ADARB2: variants seen among roughly 807,000 people sequenced by gnomAD.
ADARB2 encodes the protein adenosine deaminase RNA specific B2 (inactive).
Under a neutral mutation model 62.2 loss-of-function variants are expected in ADARB2, and 25 were observed. That is an observed-to-expected ratio of 0.40 (90% CI 0.29 to 0.56). The LOEUF (loss-of-function observed/expected upper bound fraction) is 0.56. Ranked by LOEUF, ADARB2 falls within the 20% of genes least tolerant of loss-of-function variation. ADARB2 has a pLI of 0.43. For missense variants in ADARB2, 1,071 were observed against 1,077.4 expected, an observed-to-expected ratio of 0.99 and a Z score of 0.08; for synonymous variants, 572 against 500.8, an observed-to-expected ratio of 1.14 and a Z score of -1.90.
At chr10:1,320,673 G>C (rs1310284256) in intron 3 of ADARB2, among the ~76,000 whole-genome samples, 1 of 152,228 alleles carries the variant, frequency 6.6e-6, no homozygotes, top group African/African-American at 2.4e-5. Context: ...TTCTGCCAGA[G>C]AACAGCGATG....
chr10:1,368,816 C>A (rs997339840), intron 2 of ADARB2, among the ~76,000 whole-genome samples: 2 of 150,972 alleles, frequency 1.3e-5, no homozygotes, highest in African/African-American at 4.9e-5. Context: ...ACACTATGAC[C>A]CTGTGACAGT....
chr10:1,348,254 G>A (rs1832099590), intron 3 of ADARB2, among the ~76,000 whole-genome samples: 1 of 152,326 alleles, frequency 6.6e-6, no homozygotes, highest in East Asian at 1.9e-4. Flanking sequence ...ACTGTCTGAT[G>A]TCTCTAAAGA....
chr10:1,420,361 C>T (rs188431282), intron 1 of ADARB2, among the ~76,000 whole-genome samples: 111 of 152,230 alleles, frequency 7.3e-4, no homozygotes, highest in African/African-American at 2.6e-3. Flanking sequence ...GTCAGGCCAG[C>T]GCAGCCACGG....
At chr10:1,649,203 A>C in intron 1 of ADARB2, among the ~76,000 whole-genome samples, 1 of 152,206 alleles carries the variant, frequency 6.6e-6, no homozygotes, top group East Asian at 1.9e-4. Flanking sequence ...GAAATTCAGA[A>C]AAAAAAGAAG....
chr10:1,733,696 C>T (rs1027328448), intron 1 of ADARB2, among the ~76,000 whole-genome samples: 2 of 152,062 alleles, frequency 1.3e-5, no homozygotes, highest in African/African-American at 4.8e-5. Context: ...TTAATACGTA[C>T]ACATTGAGCT....
chr10:1,735,123 G>A lies in ADARB2; in HGVS notation c.100+1928C>T, dbSNP rs188434716. Among the ~76,000 whole-genome samples, 556 of 152,224 alleles carry A rather than the reference G, an allele frequency of 3.7e-3. 4 individuals are homozygous for A. Among genetic ancestry groups the A allele is most frequent in the African/African-American group, 0.013 (535 of 41,522 alleles). ...GGCAGGTGCCCTGGGAAATTCTCCC[G>A]CACGCCAGAAATCTCTTCGTAACAG... On this transcript the variant is annotated intron_variant, in intron 1 of 9. Transcript: ENST00000381312.
chr10:1,348,941 C>T (rs140458856), intron 3 of ADARB2, among the ~76,000 whole-genome samples: 1 of 152,280 alleles, frequency 6.6e-6, no homozygotes, highest in East Asian at 1.9e-4. Flanking sequence ...GGAAAGAGGC[C>T]TGTGTGACAA....
chr10:1,262,954 A>T (rs1295786943), intron 4 of ADARB2, among the ~76,000 whole-genome samples: 1 of 152,154 alleles, frequency 6.6e-6, no homozygotes, highest in Non-Finnish European at 1.5e-5. Context: ...TGCAGCCATA[A>T]AAAATGATAA....
chr10:1,331,018 T>TTTTCTCCAAAGAAGACATAGAAATGGC (rs1328578401), intron 3 of ADARB2, among the ~76,000 whole-genome samples: 11 of 152,242 alleles, frequency 7.2e-5, no homozygotes, highest in African/African-American at 2.7e-4. Context: ...AATGGTACAT[T>TTTTCTCCAAAGAAGACATAGAAATGGC]AAAAGATGCT....
chr10:1,661,399 G>A lies in ADARB2; in HGVS notation c.100+75652C>T, dbSNP rs569686054. ...TTATCCCTTTCTTCCCCACCCAAAC[G>A]TCCTCTCATCTCATCTCCCAATAGA... On this transcript the variant is annotated intron_variant, in intron 1 of 9. Transcript: ENST00000381312. Among the ~76,000 whole-genome samples, 11 of 152,186 alleles carry A rather than the reference G, an allele frequency of 7.2e-5. No homozygotes were observed. The South Asian group carries it at 2.1e-3, about 29-fold the overall frequency.
intron 1 of ADARB2, among the ~76,000 whole-genome samples, chr10:1,434,368 T>G (rs768835706): frequency 6.6e-6 from 1 of 152,226 alleles, no homozygotes; most frequent in Non-Finnish European, 1.5e-5. Context: ...GTGTCAGGTT[T>G]CAGCTCCCGC....
At chr10:1,544,259 C>T (rs1832485274) in intron 1 of ADARB2, among the ~76,000 whole-genome samples, 1 of 152,188 alleles carries the variant, frequency 6.6e-6, no homozygotes, top group African/African-American at 2.4e-5. Context: ...GCTGAGTTTC[C>T]AGGGGCACTG....
Position 1,504,627 on chromosome 10 carries a change from G to A in ADARB2, c.101-125467C>T, listed in dbSNP as rs145576017. Among the ~76,000 whole-genome samples, 447 of 152,286 alleles carry A rather than the reference G, an allele frequency of 2.9e-3. 2 individuals carry two copies. The highest frequency in any genetic ancestry group is 9.9e-3 in the African/African-American group (413 of 41,550). ...TTGTGGACTGCTTGGCTGACTACAC[G>A]GGTCAGTTGCTGCAAAAAGCCAGTC... On this transcript the variant is annotated intron_variant, in intron 1 of 9. Transcript: ENST00000381312.
At chr10:1,567,183 C>A (rs925501753) in intron 1 of ADARB2, among the ~76,000 whole-genome samples, 1 of 148,050 alleles carries the variant, frequency 6.8e-6, no homozygotes, top group Non-Finnish European at 1.5e-5. Context: ...GGGTCCTCCC[C>A]CCACCGAGAA....
intron 3 of ADARB2, among the ~76,000 whole-genome samples, chr10:1,274,942 G>A (rs531449669): frequency 1.3e-5 from 2 of 152,176 alleles, no homozygotes; most frequent in East Asian, 1.9e-4. Flanking sequence ...GCCGGGACAC[G>A]GGTGAAGGCG....
intron 1 of ADARB2, among the ~76,000 whole-genome samples, chr10:1,499,713 TCATCACTCATATG>T (rs1387372576): frequency 6.6e-6 from 1 of 151,764 alleles, no homozygotes; most frequent in Non-Finnish European, 1.5e-5. Flanking sequence ...CATAATTCAT[TCATCACTCATATG>T]CATCACTCAC....
rs1418832536 is a variant in ADARB2 at position 1,544,954 on chromosome 10, T to TACACACACACACACACACACAC, written c.101-165795_101-165794insGTGTGTGTGTGTGTGTGTGTGT. Among the ~76,000 whole-genome samples the TACACACACACACACACACACAC allele has an allele frequency of 5.6e-3, 26 of 4,622 alleles. No individual in the cohort carries two copies. The East Asian group carries it at 0.22, about 39-fold the overall frequency. 3.0% of individuals were successfully genotyped at this position (4,622 alleles called of 152,430 possible). A position where few individuals can be genotyped will look rare whatever the true frequency, so the allele number is the denominator to read the frequency against. On this transcript the variant is annotated intron_variant, in intron 1 of 9. Coordinates refer to ENST00000381312, the MANE Select transcript of ADARB2 (RefSeq NM_018702.4). ...ATATGTGAAGTCTATAATAGCAAAG[T>TACACACACACACACACACACAC]ATACACACACACACACACACACACA... is the stretch of plus-strand genomic sequence containing the variant.
At chr10:1,491,751 T>C (rs913205636) in intron 1 of ADARB2, among the ~76,000 whole-genome samples, 1 of 152,186 alleles carries the variant, frequency 6.6e-6, no homozygotes, top group African/African-American at 2.4e-5. Flanking sequence ...AGCTTGTCTG[T>C]AGCAAGATTT....
chr10:1,645,322 C>T (rs999002129), intron 1 of ADARB2, among the ~76,000 whole-genome samples: 4 of 152,198 alleles, frequency 2.6e-5, no homozygotes, highest in African/African-American at 9.6e-5. Context: ...AAGACTGATT[C>T]TATATGTCCC....
Sources: allele counts gnomAD v4.1 joint callset (sites outside exome capture counted in the v4.1 genomes callset), GRCh38; gene constraint gnomAD v4.1.1; transcripts MANE v1.5; gene names NCBI Gene and HGNC (gene_info 2026-07-23, HGNC 2026-07-21).